The following TAFAZZIN variants were observed in gnomAD, a reference collection of about 807,000 sequenced individuals.
The protein encoded by TAFAZZIN is protein G4.5.
A neutral mutation model predicts 27.3 loss-of-function variants in TAFAZZIN; 6 were observed. The ratio of observed to expected loss-of-function variants is 0.22; its 90% CI spans 0.12 to 0.43. The LOEUF is 0.43. Ranked by LOEUF, TAFAZZIN falls within the 20% of genes least tolerant of loss-of-function variation. TAFAZZIN has a pLI of 1.00. For missense variants in TAFAZZIN, 127 were observed against 244.5 expected (o/e 0.52, Z 3.21); for synonymous variants, 79 against 96.2 (o/e 0.82, Z 1.04).
At chrX:154,415,880 C>CAAAA (rs140328432) in intron 5 of TAFAZZIN, among the ~76,000 whole-genome samples, 19 of 28,044 alleles carry the variant, frequency 6.8e-4, no homozygotes, top group East Asian at 1.5e-3. Flanking sequence ...GACCTGGTCT[C>CAAAA]AAAAAAAAAA....
At chrX:154,419,258 T>G in intron 5 of TAFAZZIN, 2 of 382,669 alleles carry the variant, frequency 5.2e-6, no homozygotes, top group East Asian at 4.3e-5. Flanking sequence ...CACATAGGGG[T>G]TTAGAAGATA....
intron 5 of TAFAZZIN, 145 bp from the exon 6 acceptor site, chrX:154,419,398 G>A (rs1463357002): frequency 5.0e-6 from 3 of 596,481 alleles, no homozygotes; most frequent in Non-Finnish European, 8.2e-6. Context: ...CAGCAAGCAG[G>A]GACTGAGGGG....
chrX:154,419,875 G>A, intron 7 of TAFAZZIN, 129 bp downstream of exon 7: 1 of 1,088,787 alleles, frequency 9.2e-7, no homozygotes, highest in Non-Finnish European at 1.3e-6. Flanking sequence ...GCCAGGAAGG[G>A]GACAGGTGCT....
In TAFAZZIN at chrX:154,420,434, G is replaced by T. The variant is rs782455651; in HGVS notation, c.699+170G>T. On this transcript the variant is annotated intron_variant, in intron 9 of 10. Transcript: ENST00000601016. ...CTGGCACCGAGACATTAAAATGAGAGCAGAGGAAGTCAGGCTGGGGCAGAG... is the reference window on the plus strand; with the variant it reads ...CTGGCACCGAGACATTAAAATGAGATCAGAGGAAGTCAGGCTGGGGCAGAG... 5.4e-4 allele frequency among the ~76,000 whole-genome samples: 60 copies of T among 110,864 alleles called. 2 individuals carry two copies. The highest frequency in any genetic ancestry group is 4.0e-4 in the Non-Finnish European group (21 of 52,704).
At position 154,421,474 on chromosome X, in the gene TAFAZZIN, C is replaced by T. The variant is rs743547; in HGVS notation, c.*470C>T. 7.3e-5 allele frequency: 24 copies of T among 330,462 alleles called. No homozygotes were observed. Among genetic ancestry groups the T allele is most frequent in the South Asian group, 5.5e-4 (21 of 38,460 alleles). 27.2% of individuals were successfully genotyped at this position (330,462 alleles called of 1,213,427 possible). ...CTTCCTTCTGCCTGAGCTTCCCCCC[C>T]ACCACAGGCCCTTTCCTCAGGCAAG... On this transcript the variant is annotated 3_prime_UTR_variant, in exon 11 of 11. Transcript: ENST00000601016.
chrX:154,419,688 CTG>C lies in TAFAZZIN; in HGVS notation c.542-14_542-13del, dbSNP rs1557193903. 1.6e-6 allele frequency: 2 copies of C among 1,212,498 alleles called. No individual in the cohort carries two copies. Among genetic ancestry groups the C allele is most frequent in the African/African-American group, 1.7e-5 (1 of 58,022 alleles). On this transcript the variant is annotated splice_polypyrimidine_tract_variant and intron_variant, in intron 6 of 10. Coordinates refer to ENST00000601016, the MANE Select transcript of TAFAZZIN (RefSeq NM_000116.5). Reference sequence around the variant, plus strand: ...CGGGATGGGCTCCCAAGCCTCGCCTCTGTGCTCTCTCACCAGGGAAAGTGAAC... The same window carrying C: ...CGGGATGGGCTCCCAAGCCTCGCCTCTGCTCTCTCACCAGGGAAAGTGAAC...
intron 2 of TAFAZZIN, chrX:154,412,938 G>C (rs941138574): frequency 1.7e-5 from 7 of 423,044 alleles, no homozygotes; most frequent in Non-Finnish European, 2.5e-5. Context: ...TGCAGTGACA[G>C]TACAGGGAGA....
chrX:154,415,880 CAAAA>C (rs140328432), intron 5 of TAFAZZIN, among the ~76,000 whole-genome samples: 4 of 28,103 alleles, frequency 1.4e-4, no homozygotes, highest in African/African-American at 5.1e-4. Flanking sequence ...GACCTGGTCT[CAAAA>C]AAAAAAAAAA....
intron 1 of TAFAZZIN, 47 bp downstream of exon 1, chrX:154,411,999 G>A: frequency 8.3e-7 from 1 of 1,200,748 alleles, no homozygotes; most frequent in Non-Finnish European, 1.1e-6. Context: ...ACCCATGCCC[G>A]GCCGGAGGTG....
intron 5 of TAFAZZIN, among the ~76,000 whole-genome samples, chrX:154,416,692 C>T (rs1469618978): frequency 9.0e-6 from 1 of 111,297 alleles, no homozygotes; most frequent in African/African-American, 3.3e-5. Context: ...AGCTGAGCCA[C>T]GGGGAGAAGG....
intron 10 of TAFAZZIN, 63 bp downstream of exon 10, chrX:154,420,798 G>A: frequency 1.7e-6 from 2 of 1,190,042 alleles, no homozygotes; most frequent in East Asian, 3.0e-5. Flanking sequence ...CTTCCAGCAG[G>A]GTGCCTCCAC....
At position 154,420,921 on chromosome X, in the gene TAFAZZIN, C is replaced by G. The variant is rs1557194499; in HGVS notation, c.796C>G (p.Leu266Val). Reference sequence around the variant, plus strand: ...CCCTCAGGTGGAGATGCGGAAAGCCCTGACGGACTTCATTCAAGAGGAATT... The same window carrying G: ...CCCTCAGGTGGAGATGCGGAAAGCCGTGACGGACTTCATTCAAGAGGAATT... ...NKSAVEMRKA[L>V]TDFIQEEFQH... The change falls in exon 11 of 11, where the codon CTG becomes GTG. Residue 266 changes from leucine to valine, a missense_variant. By Grantham distance (32) the Leu-to-Val change is conservative (BLOSUM62 1). Transcript: ENST00000601016. 2.5e-6 allele frequency: 3 copies of G among 1,209,251 alleles called. No homozygotes were observed. In the African/African-American group the frequency reaches 5.3e-5, roughly 21 times the overall value.
intron 2 of TAFAZZIN, chrX:154,412,742 G>A (rs1234159427): frequency 5.4e-6 from 1 of 186,912 alleles, no homozygotes; most frequent in African/African-American, 3.0e-5. Flanking sequence ...GGGGTGCCTG[G>A]GGCTTCCACT....
At chrX:154,415,512 A>ATAGG (rs782345304) in intron 5 of TAFAZZIN, among the ~76,000 whole-genome samples, 142 of 111,368 alleles carry the variant, frequency 1.3e-3, no homozygotes, top group Non-Finnish European at 2.3e-3. Context: ...AGGTGGGTAG[A>ATAGG]TAGGTAGGTA....
At position 154,421,576 on chromosome X, in the gene TAFAZZIN, G is replaced by T. The variant is rs1466517399; in HGVS notation, c.*572G>T. The stretch of plus-strand genomic sequence containing the variant: ...CAAGCCCAGCCACGTGGAGCCTAGA[G>T]TGAGGGCCTGAGGTCTGGCTGCTTG... On this transcript the variant is annotated 3_prime_UTR_variant, in exon 11 of 11. Transcript: ENST00000601016. The T allele has an allele frequency of 9.1e-6, 3 of 329,585 alleles. No homozygotes were observed. In the East Asian group the frequency reaches 2.9e-4, roughly 32 times the overall value. The allele number at this position is 329,585 out of a possible 1,213,427, so 27.2% of individuals were successfully genotyped here.
chrX:154,413,737 G>A (rs2068397554), intron 4 of TAFAZZIN, 170 bp downstream of exon 4: 4 of 488,821 alleles, frequency 8.2e-6, no homozygotes, highest in Non-Finnish European at 1.4e-5. Context: ...AGGAGGGATG[G>A]GTCCTTGGAA....
chrX:154,417,256 CAG>C (rs2068517235), intron 5 of TAFAZZIN, among the ~76,000 whole-genome samples: 1 of 112,516 alleles, frequency 8.9e-6, no homozygotes, highest in Non-Finnish European at 1.9e-5. Context: ...CAGGATGGCA[CAG>C]AGGGAGAGAG....
intron 7 of TAFAZZIN, 118 bp downstream of exon 7, chrX:154,419,864 C>T (rs1349525586): frequency 8.1e-6 from 9 of 1,107,276 alleles, no homozygotes; most frequent in East Asian, 3.0e-5. Context: ...GTGTTTGTAG[C>T]GCCAGGAAGG....
chrX:154,413,769 G>T (rs1557191911), intron 4 of TAFAZZIN: 21 of 449,225 alleles, frequency 4.7e-5, no homozygotes, highest in Non-Finnish European at 3.1e-5. Flanking sequence ...CTCTGCAACT[G>T]CCCAGGGATC....
Sources: gnomAD v4.1 joint callset for allele counts (sites outside exome capture counted in the v4.1 genomes callset) on GRCh38, gnomAD v4.1.1 for gene constraint, MANE v1.5 for transcripts, NCBI Gene and HGNC (gene_info 2026-07-23, HGNC 2026-07-21) for gene names.